The following SHANK2 variants were observed in gnomAD, a reference collection of about 807,000 sequenced individuals.
SHANK2 encodes SH3 and multiple ankyrin repeat domains 2, also known as SH3 and multiple ankyrin repeat domains protein 2.
Under a neutral mutation model 133.7 loss-of-function variants are expected in SHANK2, and 43 were observed. That is an observed-to-expected ratio of 0.32 (90% CI 0.25 to 0.41). SHANK2 has a LOEUF of 0.41. Ranked by LOEUF, SHANK2 falls within the 10% of genes least tolerant of loss-of-function variation. The probability of loss-of-function intolerance (pLI) is 1.00; values close to 1 mark genes in which losing one functional copy is unlikely to be tolerated. For synonymous variants in SHANK2, 1,017 were observed against 952.8 expected (o/e 1.07, Z -1.24); for missense variants, 1,994 against 2,235.8 (o/e 0.89, Z 2.18).
intron 17 of SHANK2, among the ~76,000 whole-genome samples, chr11:70,587,783 C>T (rs1346671320): frequency 2.0e-5 from 3 of 149,452 alleles, no homozygotes; most frequent in African/African-American, 4.9e-5. Context: ...CAGCTCACTG[C>T]AGCCTCAAAC....
intron 17 of SHANK2, among the ~76,000 whole-genome samples, chr11:70,602,016 A>G (rs12365135): frequency 0.14 from 21,742 of 152,220 alleles, 1,892 homozygotes; most frequent in Middle Eastern, 0.22. Flanking sequence ...GGGGCCTGGC[A>G]GGAGGTGTCT....
intron 3 of SHANK2, among the ~76,000 whole-genome samples, chr11:71,137,807 T>G (rs1286401731): frequency 6.6e-6 from 1 of 152,182 alleles, no homozygotes; most frequent in African/African-American, 2.4e-5. Context: ...TGCCAATCTC[T>G]CAGGCACATG....
At chr11:71,073,449 C>T (rs1438268235) in intron 9 of SHANK2, among the ~76,000 whole-genome samples, 41 of 151,740 alleles carry the variant, frequency 2.7e-4, no homozygotes, top group African/African-American at 8.7e-4. Context: ...TGAGCCACCG[C>T]GCCTGGCCAG....
At chr11:70,582,442 A>G (rs1296085307) in intron 17 of SHANK2, among the ~76,000 whole-genome samples, 2 of 152,254 alleles carry the variant, frequency 1.3e-5, no homozygotes, top group Non-Finnish European at 2.9e-5. Flanking sequence ...GGACCCACTC[A>G]GCTTCCCTGT....
chr11:70,564,251 C>T lies in SHANK2; in HGVS notation c.2062-61320G>A, dbSNP rs189779889. Reference sequence around the variant, plus strand: ...CCTCATTATTTCTTCAAATATTTTTCTTTTCTTTTCTTTTTTTTTTTTTTT... The same window carrying T: ...CCTCATTATTTCTTCAAATATTTTTTTTTTCTTTTCTTTTTTTTTTTTTTT... On this transcript the variant is annotated intron_variant, in intron 17 of 25. Coordinates refer to ENST00000601538, the MANE Select transcript of SHANK2 (RefSeq NM_012309.5). Among the ~76,000 whole-genome samples, 510 of 151,144 alleles carry T rather than the reference C, an allele frequency of 3.4e-3. 5 individuals carry two copies. The highest frequency in any genetic ancestry group is 0.012 in the African/African-American group (492 of 41,030).
At chr11:70,492,260 GC>G (rs1396589228) in intron 22 of SHANK2, 74 bp downstream of exon 22, 145 of 1,589,424 alleles carry the variant, frequency 9.1e-5, no homozygotes, top group Non-Finnish European at 1.2e-4. Context: ...GTGCACCTCA[GC>G]TACTGAGACA....
chr11:71,101,033 A>G (rs1179940814), intron 6 of SHANK2, among the ~76,000 whole-genome samples: 1 of 152,168 alleles, frequency 6.6e-6, no homozygotes, highest in African/African-American at 2.4e-5. Flanking sequence ...GACAAGATGC[A>G]TCTGTCCAAA....
intron 14 of SHANK2, among the ~76,000 whole-genome samples, chr11:70,719,287 C>T (rs868969140): frequency 2.0e-5 from 3 of 152,328 alleles, no homozygotes; most frequent in Non-Finnish European, 4.4e-5. Context: ...AGAAGGTTAG[C>T]GACTGGCTCA....
Position 70,535,815 on chromosome 11 carries a change from C to CT in SHANK2, c.2062-32885dup, listed in dbSNP as rs2059535727. 6.6e-6 allele frequency among the ~76,000 whole-genome samples: 1 copy of CT among 152,238 alleles called. No individual in the cohort carries two copies. Among genetic ancestry groups the CT allele is most frequent in the Admixed American group, 6.5e-5 (1 of 15,284 alleles). ...GGGTGGGCCATCCGCTGGCAGGGAG[C>CT]TGGGCCCAGGCACTTGGGAAGCTTG... is the stretch of plus-strand genomic sequence containing the variant. On this transcript the variant is annotated intron_variant, in intron 17 of 25. Transcript: ENST00000601538. The surrounding 1 kb of genome is among the most constrained non-coding windows in gnomAD (Gnocchi z 4.3).
intron 11 of SHANK2, among the ~76,000 whole-genome samples, chr11:70,834,868 C>T (rs899032382): frequency 5.3e-5 from 8 of 152,238 alleles, no homozygotes; most frequent in Admixed American, 2.6e-4. Flanking sequence ...GCGTCGGAAC[C>T]TCCCACAGGG....
intron 17 of SHANK2, among the ~76,000 whole-genome samples, chr11:70,658,960 A>C (rs1218740977): frequency 6.6e-6 from 1 of 152,016 alleles, no homozygotes; most frequent in African/African-American, 2.4e-5. Flanking sequence ...ACTCCCAACG[A>C]GGACCATTCG....
At chr11:71,154,128 A>T (rs559415386) in intron 2 of SHANK2, among the ~76,000 whole-genome samples, 39 of 152,296 alleles carry the variant, frequency 2.6e-4, no homozygotes, top group African/African-American at 9.4e-4. Flanking sequence ...GTGACTACAC[A>T]TTTCATTTAT....
intron 11 of SHANK2, among the ~76,000 whole-genome samples, chr11:70,893,939 G>A (rs542626686): frequency 6.6e-6 from 1 of 152,132 alleles, no homozygotes; most frequent in Non-Finnish European, 1.5e-5. Flanking sequence ...TCAATGGGGG[G>A]TGCTGTTTAC....
At position 70,473,614 on chromosome 11, in the gene SHANK2, A is replaced by G; in HGVS notation, c.4980-175T>C. The G allele has an allele frequency of 1.4e-6, 1 of 707,072 alleles. No homozygotes were observed. The highest frequency in any genetic ancestry group is 2.5e-6 in the Non-Finnish European group (1 of 396,792). 43.8% of individuals were successfully genotyped at this position (707,072 alleles called of 1,614,324 possible). On this transcript the variant is annotated intron_variant, in intron 25 of 25. Transcript: ENST00000601538. This position sits in a 1 kb window ranked among gnomAD's most constrained non-coding sequence, Gnocchi z 5.9. ...ATGCCAGGGTGGGGGAGGGGGAGAA[A>G]GGGGCCAGAGCAAAGTTGGAGACAC...
At chr11:70,583,058 G>T (rs2060204099) in intron 17 of SHANK2, among the ~76,000 whole-genome samples, 1 of 152,176 alleles carries the variant, frequency 6.6e-6, no homozygotes, top group South Asian at 2.1e-4. Context: ...TGGAGCGGGG[G>T]ACAGAGGGAA....
At chr11:70,788,606 A>C (rs1814789513) in intron 14 of SHANK2, among the ~76,000 whole-genome samples, 1 of 152,112 alleles carries the variant, frequency 6.6e-6, no homozygotes, top group African/African-American at 2.4e-5. Flanking sequence ...CCCCCATTTC[A>C]GGCACCCAAT....
At position 70,896,555 on chromosome 11, in the gene SHANK2, C is replaced by T. The variant is rs1555075740; in HGVS notation, c.1120G>A (p.Ala374Thr). The T allele has an allele frequency of 1.4e-6, 1 of 718,870 alleles. No homozygotes were observed. The highest frequency in any genetic ancestry group is 2.6e-6 in the Non-Finnish European group (1 of 385,098). 44.5% of individuals were successfully genotyped at this position (718,870 alleles called of 1,614,324 possible). ...SQTPFQVAII[A>T]GNFELAEYIK... ...TATTCTGCCAGCTCAAAGTTGCCTG[C>T]TATTATGGCCACCTGCAAAGTGAAA... Residue 374 changes from alanine to threonine, a missense_variant, in exon 11 of 26, where the codon GCA becomes ACA. Around this residue, in one of 5 missense-constraint regions of SHANK2, gnomAD observed 653 missense variants for 563.4 expected, o/e 1.16. Transcript: ENST00000601538.
intron 11 of SHANK2, among the ~76,000 whole-genome samples, chr11:70,892,440 C>T (rs1440660071): frequency 1.3e-5 from 2 of 152,162 alleles, no homozygotes; most frequent in East Asian, 3.9e-4. Context: ...GTTCTAGGTC[C>T]AGCCTCTATG....
intron 10 of SHANK2, among the ~76,000 whole-genome samples, chr11:70,906,554 T>C (rs1272017892): frequency 6.6e-6 from 1 of 152,146 alleles, no homozygotes; most frequent in Non-Finnish European, 1.5e-5. Flanking sequence ...GAGAGCTATT[T>C]AGAGGCGGCT....
Sources: allele counts gnomAD v4.1 joint callset (sites outside exome capture counted in the v4.1 genomes callset), GRCh38; gene constraint gnomAD v4.1.1; regional missense constraint gnomAD v4.1.1; non-coding constraint Gnocchi (gnomAD v3.1); transcripts MANE v1.5; gene names NCBI Gene and HGNC (gene_info 2026-07-23, HGNC 2026-07-21).